Variants in ZNF500 observed in about 807,000 individuals in gnomAD.
ZNF500 encodes zinc finger protein with KRAB and SCAN domains 18.
Under a neutral mutation model 30.1 loss-of-function variants are expected in ZNF500, and 31 were observed. The ratio of observed to expected loss-of-function variants is 1.03; its 90% CI spans 0.77 to 1.39. ZNF500 has a LOEUF of 1.39. Ranked by LOEUF, ZNF500 falls within the 40% of genes most tolerant of loss-of-function variation. The pLI is 0.00. For synonymous variants in ZNF500, 392 were observed against 282.0 expected (o/e 1.39, Z -3.91); for missense variants, 817 against 657.8 (o/e 1.24, Z -2.65).
At chr16:4,746,636 T>A, downstream of ZNF500, 1 of 1,305,588 alleles carries the variant, frequency 7.7e-7, no homozygotes, top group Non-Finnish European at 1.0e-6. Context: ...GGATCAATTC[T>A]CAATTGAAAA....
rs3747601 is a variant in ZNF500, at chr16:4,752,369, C to G, written c.*7G>C. 6.8e-7 allele frequency: 1 copy of G among 1,478,502 alleles called. No individual in the cohort carries two copies. Among genetic ancestry groups the G allele is most frequent in the Non-Finnish European group, 8.9e-7 (1 of 1,117,518 alleles). 91.6% of individuals were successfully genotyped at this position (1,478,502 alleles called of 1,614,324 possible). A position where few individuals can be genotyped will look rare whatever the true frequency, so the allele number is the denominator to read the frequency against. The stretch of plus-strand genomic sequence containing the variant: ...GAGTCCTGGAAAGGGAGTTTCAGGC[C>G]TGGTGATCAGGCTTTGGCACCGGGG... On this transcript the variant is annotated 3_prime_UTR_variant, in exon 6 of 6. Transcript: ENST00000219478.
intron 5 of ZNF500, among the ~76,000 whole-genome samples, chr16:4,759,946 G>GAA (rs1326294311): frequency 6.6e-6 from 1 of 152,192 alleles, no homozygotes; most frequent in East Asian, 1.9e-4. Flanking sequence ...GGCTGAGGTG[G>GAA]GAGCATCGCT....
downstream of ZNF500, chr16:4,747,497 A>G (rs1161937614): frequency 1.9e-6 from 3 of 1,613,252 alleles, no homozygotes; most frequent in African/African-American, 2.7e-5. Flanking sequence ...GAAGCAACAC[A>G]TGAAGCTCTG....
rs1567519820 is a variant in ZNF500 at position 4,752,799 on chromosome 16, C to T, written c.1020G>A (p.Leu340=). Residue 340 remains leucine, a synonymous_variant, in exon 6 of 6, where the codon TTG becomes TTA. Coordinates refer to ENST00000219478, the MANE Select transcript of ZNF500 (RefSeq NM_021646.4). ...CGKGFSKTSH[L]TKHQRTHTGE... ...CCGTGTGTGTGCGCTGGTGCTTGGT[C>T]AAGTGGGACGTCTTGCTGAAGCCTT... 1 of 1,614,258 alleles carries T rather than the reference C, an allele frequency of 6.2e-7. No homozygotes were observed.
chr16:4,744,913 G>C (rs1227654785), downstream of ZNF500: 2 of 1,613,840 alleles, frequency 1.2e-6, no homozygotes, highest in South Asian at 2.2e-5. Flanking sequence ...TGGAACAGCT[G>C]GCCCTCCTGT....
rs2082055373 is a variant in ZNF500, at chr16:4,749,245, G to A, written c.*3131C>T. 1 of 154,472 alleles carries A rather than the reference G, an allele frequency of 6.5e-6. No homozygotes were observed. The highest frequency in any genetic ancestry group is 2.4e-5 in the African/African-American group (1 of 41,544). 9.6% of individuals were successfully genotyped at this position (154,472 alleles called of 1,614,324 possible). ...CCCCCATACGCTGCCCTCGCAGCCT[G>A]GCGGCCTCCGCTGTGGCTGCCTAGC... On this transcript the variant is annotated 3_prime_UTR_variant, in exon 6 of 6. Coordinates refer to ENST00000219478, the MANE Select transcript of ZNF500 (RefSeq NM_021646.4).
chr16:4,754,686 T>C (rs1263534277), intron 5 of ZNF500, among the ~76,000 whole-genome samples: 2 of 148,996 alleles, frequency 1.3e-5, no homozygotes, highest in Non-Finnish European at 3.0e-5. Context: ...AAAAAAAAAA[T>C]AGAAAATAAA....
intron 4 of ZNF500, among the ~76,000 whole-genome samples, chr16:4,761,282 CA>C (rs1004546616): frequency 6.6e-6 from 1 of 151,274 alleles, no homozygotes; most frequent in African/African-American, 2.4e-5. Flanking sequence ...ACTAAAAATA[CA>C]AAAAAAATTA....
At chr16:4,763,521 A>G in intron 2 of ZNF500, 1 of 984,704 alleles carries the variant, frequency 1.0e-6, no homozygotes, top group Non-Finnish European at 1.2e-6. Flanking sequence ...GAGCTCTGCA[A>G]TAGCACTTGG....
chr16:4,761,610 C>T (rs2082201807), intron 4 of ZNF500, among the ~76,000 whole-genome samples: 1 of 151,270 alleles, frequency 6.6e-6, no homozygotes, highest in Non-Finnish European at 1.5e-5. Flanking sequence ...CTTTGGGAGA[C>T]TTAGGCAAGA....
rs2082258992 is a variant in ZNF500 at position 4,765,809 on chromosome 16, C to G, written c.170G>C (p.Cys57Ser). 1 of 1,613,428 alleles carries G rather than the reference C, an allele frequency of 6.2e-7. No individual in the cohort carries two copies. The highest frequency in any genetic ancestry group is 1.3e-5 in the African/African-American group (1 of 75,050). ...ETFRQLFRLF[C>S]YQEVAGPREA... ...CCGGGGCCCAGCCACCTCCTGGTAG[C>G]AGAAGAGCCGGAAGAGCTGGCGGAA... Residue 57 changes from cysteine (C) to serine (S), a missense_variant, in exon 2 of 6, where the codon TGC (cysteine) becomes TCC (serine). Transcript: ENST00000219478.
intron 1 of ZNF500, among the ~76,000 whole-genome samples, chr16:4,766,312 A>T (rs2082265083): frequency 6.6e-6 from 1 of 152,236 alleles, no homozygotes; most frequent in South Asian, 2.1e-4. Flanking sequence ...GGACCTACAC[A>T]CACAGGTTGC....
intron 2 of ZNF500, chr16:4,763,549 G>T (rs2082230983): frequency 1.0e-6 from 1 of 985,344 alleles, no homozygotes; most frequent in East Asian, 1.1e-4. Flanking sequence ...ACATCCCTAG[G>T]CAACTACAAA....
chr16:4,763,001 T>C (rs549220977), intron 2 of ZNF500: 37 of 985,424 alleles, frequency 3.8e-5, no homozygotes, highest in Non-Finnish European at 4.3e-5. Context: ...CCTCTATTCC[T>C]TGGTCCTCCT....
At chr16:4,756,795 C>T (rs932998981) in intron 5 of ZNF500, among the ~76,000 whole-genome samples, 5 of 152,032 alleles carry the variant, frequency 3.3e-5, no homozygotes, top group Admixed American at 2.0e-4. Context: ...GGATTACAGA[C>T]GTGAGACACC....
At chr16:4,765,501 C>T in intron 2 of ZNF500, 64 bp downstream of exon 2, 2 of 1,520,238 alleles carry the variant, frequency 1.3e-6, no homozygotes, top group Non-Finnish European at 1.8e-6. Context: ...AAGGAATCTG[C>T]AGCTGCAGAC....
intron 5 of ZNF500, among the ~76,000 whole-genome samples, chr16:4,755,385 C>T (rs1251341609): frequency 3.9e-5 from 6 of 152,122 alleles, no homozygotes; most frequent in Non-Finnish European, 8.8e-5. Flanking sequence ...GGTGTGATCT[C>T]CGCTCACTGT....
At chr16:4,764,312 G>C (rs1243704500) in intron 2 of ZNF500, among the ~76,000 whole-genome samples, 1 of 151,290 alleles carries the variant, frequency 6.6e-6, no homozygotes, top group Non-Finnish European at 1.5e-5. Context: ...GATCACTTGA[G>C]GCCAGGAGTT....
intron 5 of ZNF500, among the ~76,000 whole-genome samples, chr16:4,753,359 G>C (rs1330624147): frequency 1.3e-5 from 2 of 152,240 alleles, no homozygotes; most frequent in East Asian, 3.8e-4. Flanking sequence ...CTACTCAGGA[G>C]GCTGAGGTCG....
Sources: allele counts gnomAD v4.1 joint callset (sites outside exome capture counted in the v4.1 genomes callset), GRCh38; gene constraint gnomAD v4.1.1; transcripts MANE v1.5; gene names NCBI Gene and HGNC (gene_info 2026-07-23, HGNC 2026-07-21).